The following SLCO1B3 variants were observed in gnomAD, a reference collection of about 807,000 sequenced individuals.
SLCO1B3 encodes liver-specific organic anion transporter 2.
In SLCO1B3, 72 loss-of-function variants were observed where a neutral mutation model predicts 71.8. That is an observed-to-expected ratio of 1.00 (90% CI 0.83 to 1.22). The LOEUF (loss-of-function observed/expected upper bound fraction) is 1.22, where lower values mean the gene tolerates loss of function less well. SLCO1B3 is among the 50% of genes most tolerant of loss of function. SLCO1B3 has a pLI of 0.00. For synonymous variants in SLCO1B3, 298 were observed against 278.4 expected (o/e 1.07, Z -0.70); for missense variants, 911 against 819.7 (o/e 1.11, Z -1.36).
chr12:20,884,653 G>C (rs1293047943), intron 13 of SLCO1B3, among the ~76,000 whole-genome samples: 2 of 152,014 alleles, frequency 1.3e-5, no homozygotes, highest in Non-Finnish European at 2.9e-5. Context: ...GTAAAGACAT[G>C]CATGTAGATC....
intron 3 of SLCO1B3, among the ~76,000 whole-genome samples, chr12:20,816,574 C>T (rs918805845): frequency 3.3e-5 from 5 of 152,102 alleles, no homozygotes; most frequent in African/African-American, 9.7e-5. Context: ...TGTATATGTC[C>T]CACTTTTTTT....
intron 3 of SLCO1B3, among the ~76,000 whole-genome samples, chr12:20,844,755 T>C (rs2033509): frequency 0.73 from 109,904 of 151,522 alleles, 42,392 homozygotes; most frequent in South Asian, 0.9. Flanking sequence ...TTCGGCCAGG[T>C]GTGGTAGCTC....
intron 15 of SLCO1B3, among the ~76,000 whole-genome samples, chr12:20,905,192 G>A (rs568267673): frequency 6.6e-6 from 1 of 152,256 alleles, no homozygotes; most frequent in East Asian, 1.9e-4. Flanking sequence ...CATCTCCCAA[G>A]GTTGCACAGG....
chr12:20,839,575 C>A (rs1042940759), intron 3 of SLCO1B3, among the ~76,000 whole-genome samples: 16 of 151,920 alleles, frequency 1.1e-4, no homozygotes, highest in African/African-American at 3.9e-4. Flanking sequence ...CCTCTGGTTT[C>A]TTTTGGGACT....
rs944337767 is a variant in SLCO1B3, at chr12:20,877,797, C to G, written c.996C>G (p.Ile332Met). 3 of 1,484,424 alleles carry G rather than the reference C, an allele frequency of 2.0e-6. No homozygotes were observed. Among genetic ancestry groups the G allele is most frequent in the Non-Finnish European group, 2.7e-6 (3 of 1,113,428 alleles). 92.0% of individuals were successfully genotyped at this position (1,484,424 alleles called of 1,614,324 possible). Reference sequence around the variant, plus strand: ...GTTTTTTCCAGTCTTTGAAAAGCATCCTTACCAATCCCCTGTATGTTATAT... The same window carrying G: ...GTTTTTTCCAGTCTTTGAAAAGCATGCTTACCAATCCCCTGTATGTTATAT... ...VTGFFQSLKS[I>M]LTNPLYVIFL... is the part of the protein sequence containing the mutation. Residue 332 changes from isoleucine to methionine, a missense_variant, in exon 10 of 16, where the codon ATC (isoleucine) becomes ATG (methionine). Coordinates refer to ENST00000381545, the MANE Select transcript of SLCO1B3 (RefSeq NM_019844.4).
chr12:20,815,953 T>C, intron 3 of SLCO1B3, 131 bp downstream of exon 3: 1 of 494,016 alleles, frequency 2.0e-6, no homozygotes, highest in Non-Finnish European at 3.6e-6. Context: ...TACATTAAAA[T>C]ATTAACAAAA....
intron 3 of SLCO1B3, among the ~76,000 whole-genome samples, chr12:20,840,812 C>T (rs532332264): frequency 6.6e-6 from 1 of 152,258 alleles, no homozygotes; most frequent in African/African-American, 2.4e-5. Flanking sequence ...AACACCAGAG[C>T]TTATGAGGCT....
chr12:20,858,174 A>T (rs1312990418), intron 4 of SLCO1B3, among the ~76,000 whole-genome samples: 2 of 151,992 alleles, frequency 1.3e-5, no homozygotes, highest in African/African-American at 2.4e-5. Flanking sequence ...TAAACTCCAA[A>T]TTTTCAAAAA....
intron 3 of SLCO1B3, among the ~76,000 whole-genome samples, chr12:20,823,592 A>G (rs1033887503): frequency 1.2e-4 from 18 of 152,204 alleles, no homozygotes; most frequent in Admixed American, 3.9e-4. Context: ...TTATTTGTAT[A>G]AAGTGCAACA....
chr12:20,836,835 G>C (rs112321911), intron 3 of SLCO1B3, among the ~76,000 whole-genome samples: 3,618 of 152,136 alleles, frequency 0.024, 149 homozygotes, highest in African/African-American at 0.082. Context: ...TAGAGATGGG[G>C]TTTCACTGTG....
intron 15 of SLCO1B3, among the ~76,000 whole-genome samples, chr12:20,912,814 G>A (rs953432106): frequency 1.5e-4 from 21 of 139,032 alleles, no homozygotes; most frequent in African/African-American, 4.3e-4. Flanking sequence ...GAGCCACTGC[G>A]CCCAGCCTTT....
At chr12:20,866,390 A>G (rs1228831883) in intron 8 of SLCO1B3, among the ~76,000 whole-genome samples, 2 of 152,154 alleles carry the variant, frequency 1.3e-5, no homozygotes, top group African/African-American at 4.8e-5. Flanking sequence ...ATAGCTTTTT[A>G]TATCATATTG....
chr12:20,865,592 A>G (rs1865357196), intron 8 of SLCO1B3, among the ~76,000 whole-genome samples: 1 of 152,090 alleles, frequency 6.6e-6, no homozygotes, highest in Admixed American at 6.6e-5. Flanking sequence ...CCACTTATAC[A>G]TAGTTTTTTT....
In SLCO1B3 at chr12:20,838,144, A is replaced by G. The variant is rs558274706; in HGVS notation, c.85-16884A>G. ...TTCTTTTTTTTTAAATTTTATTATT[A>G]TTATACTTTAAGTTTTAGGGTACAT... On this transcript the variant is annotated intron_variant, in intron 3 of 15. Coordinates refer to ENST00000381545, the MANE Select transcript of SLCO1B3 (RefSeq NM_019844.4). Among the ~76,000 whole-genome samples the G allele has an allele frequency of 8.7e-5, 13 of 149,452 alleles. No homozygotes were observed. The East Asian group carries it at 2.6e-3, about 29-fold the overall frequency.
intron 8 of SLCO1B3, among the ~76,000 whole-genome samples, chr12:20,872,902 T>A (rs1865502141): frequency 6.6e-6 from 1 of 152,180 alleles, no homozygotes; most frequent in African/African-American, 2.4e-5. Flanking sequence ...CCCAGCCATA[T>A]CTTCTTGGGC....
At chr12:20,880,740 C>T (rs1049777924) in intron 11 of SLCO1B3, 115 bp from the exon 12 acceptor site, 7 of 598,130 alleles carry the variant, frequency 1.2e-5, no homozygotes, top group Non-Finnish European at 1.1e-5. Context: ...TTCTCTTTTC[C>T]TCTTCTCTTC....
chr12:20,850,032 CTTTTT>C (rs71043207), intron 3 of SLCO1B3, among the ~76,000 whole-genome samples: 1 of 134,182 alleles, frequency 7.5e-6, no homozygotes, highest in Non-Finnish European at 1.6e-5. Context: ...TCCCAACAGC[CTTTTT>C]TTTTTTTTTT....
intron 3 of SLCO1B3, chr12:20,845,119 A>T (rs1389922138): frequency 6.8e-6 from 3 of 439,584 alleles, no homozygotes; most frequent in Non-Finnish European, 1.4e-5. Context: ...CCATTTTATT[A>T]TCCAGCAAGA....
chr12:20,908,092 TAGGTAA>T (rs1026539684), intron 15 of SLCO1B3, among the ~76,000 whole-genome samples: 6 of 152,326 alleles, frequency 3.9e-5, no homozygotes, highest in African/African-American at 1.4e-4. Flanking sequence ...AGTAAAGGTT[TAGGTAA>T]AAGTAAAAGG....
Sources: gnomAD v4.1 joint callset for allele counts (sites outside exome capture counted in the v4.1 genomes callset) on GRCh38, gnomAD v4.1.1 for gene constraint, MANE v1.5 for transcripts, NCBI Gene and HGNC (gene_info 2026-07-23, HGNC 2026-07-21) for gene names.